NALF1: variants seen among roughly 807,000 people sequenced by gnomAD.
NALF1 encodes family with sequence similarity 155 member A.
A neutral mutation model predicts 48.4 loss-of-function variants in NALF1; 3 were observed. That is an observed-to-expected ratio of 0.06 (90% CI 0.03 to 0.16). The LOEUF (loss-of-function observed/expected upper bound fraction) is 0.16. Among genes scored for constraint, NALF1 ranks in the 10% least tolerant of loss-of-function variants. NALF1 has a pLI of 1.00. For missense variants in NALF1, 526 were observed against 571.5 expected (o/e 0.92, Z 0.81); for synonymous variants, 262 against 245.7 (o/e 1.07, Z -0.62).
At chr13:107,676,614 T>C (rs992353070) in intron 1 of NALF1, among the ~76,000 whole-genome samples, 2 of 145,682 alleles carry the variant, frequency 1.4e-5, no homozygotes, top group African/African-American at 4.9e-5. Context: ...TTAATTAATT[T>C]AATTAATTAA....
intron 1 of NALF1, among the ~76,000 whole-genome samples, chr13:107,795,173 C>A (rs1878381532): frequency 6.6e-6 from 1 of 152,110 alleles, no homozygotes; most frequent in Non-Finnish European, 1.5e-5. Context: ...TAACTACAAA[C>A]CATGCCTGTG....
At chr13:107,269,959 A>T (rs1284915608) in intron 1 of NALF1, among the ~76,000 whole-genome samples, 6 of 110,436 alleles carry the variant, frequency 5.4e-5, no homozygotes, top group African/African-American at 2.2e-4. Flanking sequence ...TTTAGTAGAG[A>T]CGGAGTTTCT....
intron 1 of NALF1, among the ~76,000 whole-genome samples, chr13:107,576,230 A>C (rs1351172746): frequency 6.6e-6 from 1 of 152,212 alleles, no homozygotes; most frequent in Non-Finnish European, 1.5e-5. Flanking sequence ...ATTGCAGATA[A>C]TGATTGGCTC....
chr13:107,233,065 G>GA (rs997084863), intron 1 of NALF1, among the ~76,000 whole-genome samples: 6 of 152,134 alleles, frequency 3.9e-5, no homozygotes, highest in Non-Finnish European at 7.4e-5. Flanking sequence ...CTCTTTCTGG[G>GA]AAGTGTTTTG....
chr13:107,259,929 A>G (rs1184799618), intron 1 of NALF1, among the ~76,000 whole-genome samples: 2 of 152,210 alleles, frequency 1.3e-5, no homozygotes, highest in Non-Finnish European at 2.9e-5. Context: ...CACTATGTCT[A>G]TTTCACTCTC....
chr13:107,233,220 T>C (rs1880264270), intron 1 of NALF1, among the ~76,000 whole-genome samples: 1 of 152,202 alleles, frequency 6.6e-6, no homozygotes, highest in African/African-American at 2.4e-5. Context: ...AAGTCATAAT[T>C]TGAACACTCA....
intron 1 of NALF1, among the ~76,000 whole-genome samples, chr13:107,761,024 C>G (rs1056039769): frequency 6.6e-6 from 1 of 152,108 alleles, no homozygotes; most frequent in Non-Finnish European, 1.5e-5. Context: ...AGACTTCTGT[C>G]CTCTTGTAGC....
Position 107,866,689 on chromosome 13 carries a change from C to G in NALF1, c.-93G>C. 1 of 1,017,068 alleles carries G rather than the reference C, an allele frequency of 9.8e-7. No homozygotes were observed. Among genetic ancestry groups the G allele is most frequent in the Non-Finnish European group, 1.4e-6 (1 of 693,076 alleles). 63.0% of individuals were successfully genotyped at this position (1,017,068 alleles called of 1,614,324 possible). On this transcript the variant is annotated 5_prime_UTR_variant, in exon 1 of 3. Coordinates refer to ENST00000375915, the MANE Select transcript of NALF1 (RefSeq NM_001080396.3). This position sits in a 1 kb window ranked among gnomAD's most constrained non-coding sequence, Gnocchi z 4.4. Reference sequence around the variant, plus strand: ...GCATTGACTTAAAGGGTTTAATTTCCTTATCCCCTCCTCCCGTTTCTTCTC... The same window carrying G: ...GCATTGACTTAAAGGGTTTAATTTCGTTATCCCCTCCTCCCGTTTCTTCTC...
chr13:107,322,677 T>C (rs571841960), intron 1 of NALF1, among the ~76,000 whole-genome samples: 1 of 152,292 alleles, frequency 6.6e-6, no homozygotes, highest in Non-Finnish European at 1.5e-5. Flanking sequence ...TTTGATGGGC[T>C]CAGTACATAC....
intron 1 of NALF1, among the ~76,000 whole-genome samples, chr13:107,304,877 A>G (rs1881905926): frequency 6.6e-6 from 1 of 152,256 alleles, no homozygotes; most frequent in African/African-American, 2.4e-5. Flanking sequence ...AAGACCATTA[A>G]GTAATTATGA....
intron 1 of NALF1, among the ~76,000 whole-genome samples, chr13:107,483,541 T>C (rs146795659): frequency 0.02 from 2,973 of 152,252 alleles, 42 homozygotes; most frequent in Non-Finnish European, 0.032. Flanking sequence ...TTAACCTGCA[T>C]ACAAAACTGT....
chr13:107,758,861 AATACAGG>A (rs1877189684), intron 1 of NALF1, among the ~76,000 whole-genome samples: 1 of 152,234 alleles, frequency 6.6e-6, no homozygotes, highest in South Asian at 2.1e-4. Flanking sequence ...TCAGAATCTC[AATACAGG>A]TTTTACGAGA....
At chr13:107,490,455 A>G (rs1479180169) in intron 1 of NALF1, among the ~76,000 whole-genome samples, 1 of 152,182 alleles carries the variant, frequency 6.6e-6, no homozygotes, top group East Asian at 1.9e-4. Flanking sequence ...GCAAACTAAT[A>G]CAGAAACAGA....
chr13:107,242,617 AT>A (rs1229273643), intron 1 of NALF1, among the ~76,000 whole-genome samples: 2 of 152,232 alleles, frequency 1.3e-5, no homozygotes, highest in African/African-American at 4.8e-5. Flanking sequence ...AATTAACACA[AT>A]TCATAAATAA....
At chr13:107,499,210 G>A in intron 1 of NALF1, among the ~76,000 whole-genome samples, 1 of 151,680 alleles carries the variant, frequency 6.6e-6, no homozygotes. Context: ...TATTAATATA[G>A]GACCTAAAGG....
Position 107,613,934 on chromosome 13 carries a change from T to C in NALF1, c.915+251748A>G, listed in dbSNP as rs192102708. 2.0e-3 allele frequency among the ~76,000 whole-genome samples: 307 copies of C among 152,326 alleles called. 1 individual carries two copies. The highest frequency in any genetic ancestry group is 2.8e-3 in the Non-Finnish European group (192 of 68,020). ...CTGTTGGCAAGTCACTTAGTTCTCA[T>C]AGCAACCCTGAGCAGTAGACACTAT... is the stretch of plus-strand genomic sequence containing the variant. On this transcript the variant is annotated intron_variant, in intron 1 of 2. Transcript: ENST00000375915.
At chr13:107,645,359 C>T (rs913080717) in intron 1 of NALF1, among the ~76,000 whole-genome samples, 1 of 152,056 alleles carries the variant, frequency 6.6e-6, no homozygotes, top group African/African-American at 2.4e-5. Flanking sequence ...AGAATAATGT[C>T]CCCACCTTCA....
At chr13:107,434,884 G>A (rs1262008423) in intron 1 of NALF1, among the ~76,000 whole-genome samples, 1 of 152,028 alleles carries the variant, frequency 6.6e-6, no homozygotes, top group Admixed American at 6.6e-5. Flanking sequence ...ACATGAGAGT[G>A]GGATACACAC....
chr13:107,860,028 C>T (rs1013565931), intron 1 of NALF1, among the ~76,000 whole-genome samples: 4 of 150,252 alleles, frequency 2.7e-5, no homozygotes, highest in African/African-American at 9.8e-5. Flanking sequence ...TTAAATTTAA[C>T]TTTATATAGT....
Sources: gnomAD v4.1 joint callset for allele counts (sites outside exome capture counted in the v4.1 genomes callset) on GRCh38, gnomAD v4.1.1 for gene constraint, Gnocchi (gnomAD v3.1) non-coding constraint, MANE v1.5 for transcripts, NCBI Gene and HGNC (gene_info 2026-07-23, HGNC 2026-07-21) for gene names.